LRP1B: variants seen among roughly 807,000 people sequenced by gnomAD.
The protein encoded by LRP1B is LDL receptor related protein 1B.
LRP1B carries 217 observed loss-of-function variants against 556.6 expected under a neutral mutation model. The ratio of observed to expected loss-of-function variants is 0.39; its 90% CI spans 0.35 to 0.44. The LOEUF is 0.44. LRP1B is among the 20% of genes least tolerant of loss of function. LRP1B has a pLI of 1.00. For missense variants in LRP1B, 5,053 were observed against 5,620.8 expected, an observed-to-expected ratio of 0.90 and a Z score of 3.23; for synonymous variants, 2,047 against 1,865.8, an observed-to-expected ratio of 1.10 and a Z score of -2.50.
At chr2:141,642,008 AC>A (rs67831144) in intron 2 of LRP1B, among the ~76,000 whole-genome samples, 15 of 138,350 alleles carry the variant, frequency 1.1e-4, no homozygotes, top group African/African-American at 3.2e-4. Flanking sequence ...AACAAACAAA[AC>A]CCCCCCCCAA....
chr2:141,011,630 TC>T (rs1697752880), intron 14 of LRP1B, among the ~76,000 whole-genome samples: 3 of 152,014 alleles, frequency 2.0e-5, no homozygotes, highest in Non-Finnish European at 4.4e-5. Context: ...AATCAGTTAT[TC>T]TCAATACATT....
chr2:141,303,578 G>C (rs1012450203), intron 3 of LRP1B, among the ~76,000 whole-genome samples: 1 of 152,046 alleles, frequency 6.6e-6, no homozygotes, highest in Non-Finnish European at 1.5e-5. Context: ...TTAACATAAT[G>C]ATCTCCAATT....
intron 2 of LRP1B, among the ~76,000 whole-genome samples, chr2:141,567,987 A>G (rs1027704855): frequency 1.3e-5 from 2 of 150,446 alleles, no homozygotes; most frequent in Admixed American, 1.3e-4. Flanking sequence ...GTTGTTTATC[A>G]CTGAATAGCT....
At chr2:140,484,941 T>A (rs888598339) in intron 59 of LRP1B, among the ~76,000 whole-genome samples, 3 of 152,194 alleles carry the variant, frequency 2.0e-5, no homozygotes, top group Non-Finnish European at 4.4e-5. Context: ...TCTCCTGGTA[T>A]GAAGTGGTGC....
At chr2:142,106,788 A>G (rs1706761309) in intron 1 of LRP1B, among the ~76,000 whole-genome samples, 2 of 152,222 alleles carry the variant, frequency 1.3e-5, no homozygotes, top group Admixed American at 1.3e-4. Flanking sequence ...TTAAAAGTTG[A>G]AGGTTATATT....
intron 66 of LRP1B, among the ~76,000 whole-genome samples, chr2:140,405,792 T>G (rs1684706243): frequency 6.6e-6 from 1 of 152,134 alleles, no homozygotes; most frequent in Non-Finnish European, 1.5e-5. Flanking sequence ...GTACCAATCC[T>G]ATGAAACTAC....
intron 3 of LRP1B, among the ~76,000 whole-genome samples, chr2:141,301,817 C>T (rs1351663349): frequency 6.6e-6 from 1 of 152,122 alleles, no homozygotes; most frequent in African/African-American, 2.4e-5. Flanking sequence ...CTAACATCCA[C>T]CCTCCTCAGT....
chr2:141,506,410 A>G (rs4260183), intron 2 of LRP1B, among the ~76,000 whole-genome samples: 11,282 of 152,192 alleles, frequency 0.074, 559 homozygotes, highest in South Asian at 0.14. Flanking sequence ...CTGGAACAAA[A>G]TGATAATGAG....
At chr2:141,654,877 TATG>T (rs1689943330) in intron 2 of LRP1B, among the ~76,000 whole-genome samples, 1 of 152,148 alleles carries the variant, frequency 6.6e-6, no homozygotes, top group Admixed American at 6.6e-5. Context: ...GAGCGATATT[TATG>T]ATAAGTTGTC....
chr2:140,656,002 C>A (rs1684868970), intron 41 of LRP1B, among the ~76,000 whole-genome samples: 1 of 152,034 alleles, frequency 6.6e-6, no homozygotes, highest in South Asian at 2.1e-4. Context: ...GTTTAATTCC[C>A]AAAGGAAACA....
intron 32 of LRP1B, among the ~76,000 whole-genome samples, chr2:140,787,403 A>G (rs1387289954): frequency 6.6e-6 from 1 of 152,068 alleles, no homozygotes; most frequent in Non-Finnish European, 1.5e-5. Context: ...TTCAGCTCAA[A>G]TGGTATCTTT....
chr2:140,975,656 G>A (rs1696573781), intron 18 of LRP1B, among the ~76,000 whole-genome samples: 1 of 152,098 alleles, frequency 6.6e-6, no homozygotes, highest in South Asian at 2.1e-4. Flanking sequence ...ATATTATTAA[G>A]GAATGGCAAA....
intron 1 of LRP1B, among the ~76,000 whole-genome samples, chr2:142,016,421 A>G (rs1386150671): frequency 1.3e-5 from 2 of 152,204 alleles, no homozygotes; most frequent in Non-Finnish European, 2.9e-5. Context: ...AAGACTTGGA[A>G]CCAACCCAAA....
chr2:141,341,120 C>T (rs1688039940), intron 3 of LRP1B, among the ~76,000 whole-genome samples: 1 of 152,264 alleles, frequency 6.6e-6, no homozygotes, highest in South Asian at 2.1e-4. Context: ...TGTCACTATG[C>T]ATTAAGTATG....
In LRP1B at chr2:140,338,088, CATG is replaced by C. The variant is rs562558541; in HGVS notation, c.11893-2253_11893-2251del. 1.4e-4 allele frequency among the ~76,000 whole-genome samples: 21 copies of C among 151,560 alleles called. 1 individual carries two copies. In the East Asian group the frequency reaches 3.7e-3, roughly 27 times the overall value. ...AAAACGAAAAAAAAAACTTACTTTT[CATG>C]ATAAGTACAAGTTATATTGATGACT... On this transcript the variant is annotated intron_variant, in intron 77 of 90. Transcript: ENST00000389484.
intron 46 of LRP1B, 51 bp downstream of exon 46, chr2:140,536,530 A>G (rs768263946): frequency 1.1e-5 from 18 of 1,571,044 alleles, no homozygotes; most frequent in East Asian, 2.3e-5. Context: ...AAAAACTGTA[A>G]AGAATCAGAA....
intron 1 of LRP1B, among the ~76,000 whole-genome samples, chr2:141,900,003 G>A (rs1214368464): frequency 6.6e-6 from 1 of 151,996 alleles, no homozygotes; most frequent in Non-Finnish European, 1.5e-5. Context: ...TAATACTTGA[G>A]CAGATGAACA....
intron 2 of LRP1B, among the ~76,000 whole-genome samples, chr2:141,782,411 C>T (rs1488627004): frequency 6.6e-6 from 1 of 151,504 alleles, no homozygotes; most frequent in Admixed American, 6.6e-5. Context: ...TTGTCTTCTA[C>T]TCATTTAACC....
At chr2:141,824,112 C>A (rs1032741076) in intron 1 of LRP1B, among the ~76,000 whole-genome samples, 1 of 152,036 alleles carries the variant, frequency 6.6e-6, no homozygotes, top group Admixed American at 6.6e-5. Context: ...AGGCTTTTTA[C>A]TTTTCATTAT....
Sources: allele counts gnomAD v4.1 joint callset (sites outside exome capture counted in the v4.1 genomes callset), GRCh38; gene constraint gnomAD v4.1.1; transcripts MANE v1.5; gene names NCBI Gene and HGNC (gene_info 2026-07-23, HGNC 2026-07-21).